Variants in SLC35D4 observed in about 807,000 individuals in gnomAD.
SLC35D4 encodes the protein UDP-N-acetylglucosamine transporter SLC35D4.
At chr18:23,357,215 A>G in the SLC35D4 span, among the ~76,000 whole-genome samples, 1 of 151,348 alleles carries the variant, frequency 6.6e-6, no homozygotes, top group Non-Finnish European at 1.5e-5. Context: ...TTTCATTTTT[A>G]TGTTTAATGA....
chr18:23,251,276 A>T, the SLC35D4 span, among the ~76,000 whole-genome samples: 2 of 152,048 alleles, frequency 1.3e-5, no homozygotes, highest in African/African-American at 2.4e-5. Flanking sequence ...AACATGGCGA[A>T]CCCCCATTTA....
At chr18:23,279,435 T>C in the SLC35D4 span, among the ~76,000 whole-genome samples, 1 of 152,224 alleles carries the variant, frequency 6.6e-6, no homozygotes, top group Non-Finnish European at 1.5e-5. Context: ...CTTCTGCTAC[T>C]GAGTGCTATG....
chr18:23,361,103 C>CAAAAAAAAAA, the SLC35D4 span, among the ~76,000 whole-genome samples: 39 of 94,096 alleles, frequency 4.1e-4, no homozygotes, highest in Non-Finnish European at 6.4e-4. Flanking sequence ...GACTTTGTCT[C>CAAAAAAAAAA]AAAAAAAAAA....
chr18:23,257,176 T>A, the SLC35D4 span: 1 of 1,598,904 alleles, frequency 6.3e-7, no homozygotes, highest in Non-Finnish European at 8.5e-7. Flanking sequence ...GCAGAAAGAC[T>A]AGGATTTTAA....
At chr18:23,326,017 G>A in the SLC35D4 span, among the ~76,000 whole-genome samples, 2 of 152,156 alleles carry the variant, frequency 1.3e-5, no homozygotes, top group Non-Finnish European at 2.9e-5. Context: ...TTAGTAACTC[G>A]GTTTATTCAT....
chr18:23,385,079 CAG>C, the SLC35D4 span: 1 of 1,607,798 alleles, frequency 6.2e-7, no homozygotes, highest in South Asian at 1.1e-5. Flanking sequence ...TGAAAGAAAA[CAG>C]AATAAAAAAC....
the SLC35D4 span, among the ~76,000 whole-genome samples, chr18:23,365,063 A>G: frequency 6.6e-6 from 1 of 151,636 alleles, no homozygotes; most frequent in Non-Finnish European, 1.5e-5. Flanking sequence ...TAGAGAACCA[A>G]CTCCTTCACT....
the SLC35D4 span, among the ~76,000 whole-genome samples, chr18:23,396,625 G>C: frequency 6.6e-6 from 1 of 152,118 alleles, no homozygotes; most frequent in Admixed American, 6.5e-5. Context: ...TAAGAAGAAT[G>C]TGCTCTCAGC....
At chr18:23,432,793 C>A in the SLC35D4 span, among the ~76,000 whole-genome samples, 1 of 151,480 alleles carries the variant, frequency 6.6e-6, no homozygotes, top group Admixed American at 6.6e-5. Flanking sequence ...CCAGCCTGGG[C>A]GACATGGTGA....
At chr18:23,319,936 T>C in the SLC35D4 span, among the ~76,000 whole-genome samples, 2 of 152,248 alleles carry the variant, frequency 1.3e-5, no homozygotes, top group African/African-American at 4.8e-5. Flanking sequence ...TTATTGTTGG[T>C]TTTCAAAGAT....
At chr18:23,317,154 T>TACACACAC in the SLC35D4 span, among the ~76,000 whole-genome samples, 60 of 149,912 alleles carry the variant, frequency 4.0e-4, no homozygotes, top group African/African-American at 1.1e-3. Flanking sequence ...TGGGAGAAGT[T>TACACACAC]ACACACACAC....
the SLC35D4 span, among the ~76,000 whole-genome samples, chr18:23,408,867 GCT>G: frequency 6.7e-6 from 1 of 148,536 alleles, no homozygotes; most frequent in Non-Finnish European, 1.5e-5. Context: ...TGGCGCAGTG[GCT>G]CACAGCTTTA....
the SLC35D4 span, among the ~76,000 whole-genome samples, chr18:23,272,160 C>A: frequency 0.074 from 11,286 of 152,230 alleles, 596 homozygotes; most frequent in African/African-American, 0.15. Context: ...TGAGCCTGCA[C>A]GTGTGGGATC....
chr18:23,308,726 T>A, the SLC35D4 span, among the ~76,000 whole-genome samples: 3 of 152,176 alleles, frequency 2.0e-5, no homozygotes, highest in Non-Finnish European at 4.4e-5. Flanking sequence ...TCAGACAGCT[T>A]AGTGAGGCAT....
At chr18:23,274,478 C>A in the SLC35D4 span, among the ~76,000 whole-genome samples, 1 of 152,218 alleles carries the variant, frequency 6.6e-6, no homozygotes, top group Admixed American at 6.5e-5. Flanking sequence ...CTGCCTGGTG[C>A]CCCACAGTGG....
At chr18:23,352,405 A>C in the SLC35D4 span, 15 of 725,088 alleles carry the variant, frequency 2.1e-5, no homozygotes, top group East Asian at 3.2e-5. Flanking sequence ...CCTCTACCTC[A>C]TCTGTGTTTT....
the SLC35D4 span, among the ~76,000 whole-genome samples, chr18:23,368,402 G>A: frequency 6.6e-6 from 1 of 152,204 alleles, no homozygotes; most frequent in South Asian, 2.1e-4. Context: ...GGACATGGGT[G>A]GGGGATTCAA....
chr18:23,426,069 A>C, the SLC35D4 span, among the ~76,000 whole-genome samples: 1 of 152,238 alleles, frequency 6.6e-6, no homozygotes, highest in African/African-American at 2.4e-5. Flanking sequence ...CAATTTCCTC[A>C]CATTGCACCA....
At chr18:23,272,660 C>T in the SLC35D4 span, among the ~76,000 whole-genome samples, 1 of 152,080 alleles carries the variant, frequency 6.6e-6, no homozygotes, top group African/African-American at 2.4e-5. Flanking sequence ...TATCCTCGCA[C>T]TCAGCCAGGA....
Sources: allele counts gnomAD v4.1 joint callset (sites outside exome capture counted in the v4.1 genomes callset), GRCh38; gene constraint gnomAD v4.1.1; transcripts MANE v1.5; gene names NCBI Gene and HGNC (gene_info 2026-07-23, HGNC 2026-07-21).